TRIM34: variants seen among roughly 807,000 people sequenced by gnomAD.
The protein encoded by TRIM34 is E3 ubiquitin-protein ligase TRIM34.
In TRIM34, 41 loss-of-function variants were observed where a neutral mutation model predicts 38.1. That is an observed-to-expected ratio of 1.08 (90% CI 0.84 to 1.40). TRIM34 has a LOEUF of 1.40. Among genes scored for constraint, TRIM34 ranks in the 40% most tolerant of loss-of-function variants. The pLI is 0.00. For missense variants in TRIM34, 556 were observed against 571.4 expected, an observed-to-expected ratio of 0.97 and a Z score of 0.27; for synonymous variants, 200 against 202.5, an observed-to-expected ratio of 0.99 and a Z score of 0.10.
At position 5,643,820 on chromosome 11, in the gene TRIM34, T is replaced by C. The variant is rs145435093; in HGVS notation, c.*111T>C. 1,304 of 1,380,026 alleles carry C rather than the reference T, an allele frequency of 9.4e-4. 14 individuals are homozygous for C. In the African/African-American group the frequency reaches 0.014, roughly 15 times the overall value. 85.5% of individuals were successfully genotyped at this position (1,380,026 alleles called of 1,614,324 possible). Reference sequence around the variant, plus strand: ...TTGTGGTTTCCCTTCTTTAGAACTTTTACTCATCCTTGAGATGTATGGTGT... The same window carrying C: ...TTGTGGTTTCCCTTCTTTAGAACTTCTACTCATCCTTGAGATGTATGGTGT... On this transcript the variant is annotated 3_prime_UTR_variant, in exon 8 of 8. Coordinates refer to ENST00000429814, the MANE Select transcript of TRIM34 (RefSeq NM_021616.6).
chr11:5,632,364 G>T lies in TRIM34; in HGVS notation c.33G>T (p.Glu11Asp). The T allele has an allele frequency of 6.2e-7, 1 of 1,614,104 alleles. No individual in the cohort carries two copies. The highest frequency in any genetic ancestry group is 8.5e-7 in the Non-Finnish European group (1 of 1,180,022). Residue 11 changes from glutamate to aspartate, a missense_variant, in exon 2 of 8, where the codon GAG (glutamate) becomes GAT (aspartate). Glu to Asp is a conservative substitution (Grantham distance 45). Transcript: ENST00000429814. ...CAAAAATCTTGCTTAACGTACAAGA[G>T]GAGGTGACCTGTCCCATCTGCCTGG... is the stretch of plus-strand genomic sequence containing the variant. MASKILLNVQ[E>D]EVTCPICLEL...
upstream of TRIM34, among the ~76,000 whole-genome samples, chr11:5,624,504 A>C (rs928309594): frequency 6.6e-6 from 1 of 152,182 alleles, no homozygotes; most frequent in Non-Finnish European, 1.5e-5. Flanking sequence ...CAAATTGGTA[A>C]ACTGATTCGA....
At chr11:5,642,034 C>G (rs149139528) in intron 5 of TRIM34, among the ~76,000 whole-genome samples, 2 of 152,154 alleles carry the variant, frequency 1.3e-5, no homozygotes, top group Non-Finnish European at 2.9e-5. Context: ...AGAAGGCCCA[C>G]TGAGATGCAG....
intron 1 of TRIM34, among the ~76,000 whole-genome samples, chr11:5,628,554 G>A (rs1214818544): frequency 1.3e-5 from 2 of 152,156 alleles, no homozygotes; most frequent in Admixed American, 6.5e-5. Context: ...GGTTAGAGGA[G>A]TAGACAGGTC....
chr11:5,636,586 C>G (rs1849743916), intron 4 of TRIM34, among the ~76,000 whole-genome samples: 1 of 152,152 alleles, frequency 6.6e-6, no homozygotes, highest in Non-Finnish European at 1.5e-5. Context: ...CTTCCTTAAG[C>G]TCTTCACAAC....
chr11:5,634,507 AC>A, intron 3 of TRIM34, 123 bp from the exon 4 acceptor site: 2 of 452,708 alleles, frequency 4.4e-6, no homozygotes, highest in South Asian at 1.3e-4. Flanking sequence ...ACACACACAC[AC>A]ACACACACAC....
intron 1 of TRIM34, among the ~76,000 whole-genome samples, chr11:5,629,889 G>C (rs944641214): frequency 1.3e-5 from 2 of 152,142 alleles, no homozygotes; most frequent in African/African-American, 4.8e-5. Context: ...TGTATTTTTA[G>C]TAGAGATGGG....
At chr11:5,639,438 T>C (rs1023246874) in intron 4 of TRIM34, among the ~76,000 whole-genome samples, 1 of 152,002 alleles carries the variant, frequency 6.6e-6, no homozygotes, top group Admixed American at 6.6e-5. Flanking sequence ...CCCAGCACTT[T>C]GGGAGACCGA....
At chr11:5,624,409 C>T (rs180941929), upstream of TRIM34, among the ~76,000 whole-genome samples, 3 of 152,274 alleles carry the variant, frequency 2.0e-5, no homozygotes, top group African/African-American at 7.2e-5. Flanking sequence ...TCCACCTCTC[C>T]GCCACCCATC....
chr11:5,633,093 C>T (rs970255662), intron 2 of TRIM34, among the ~76,000 whole-genome samples: 2 of 150,510 alleles, frequency 1.3e-5, no homozygotes, highest in Non-Finnish European at 3.0e-5. Flanking sequence ...CCACCTCGGC[C>T]TCCCAAAGTG....
chr11:5,625,675 G>A (rs756500591), intron 1 of TRIM34, among the ~76,000 whole-genome samples: 6 of 151,412 alleles, frequency 4.0e-5, no homozygotes, highest in Admixed American at 2.0e-4. Flanking sequence ...TGTGACTGCC[G>A]CACACCGCTC....
chr11:5,626,873 A>C (rs1849265438), intron 1 of TRIM34: 2 of 147,688 alleles, frequency 1.4e-5, no homozygotes, highest in African/African-American at 2.6e-5. Context: ...AAAGAGCAAG[A>C]CTCTGTCTCA....
chr11:5,638,484 G>A (rs1564888715), intron 4 of TRIM34, among the ~76,000 whole-genome samples: 1 of 143,568 alleles, frequency 7.0e-6, no homozygotes, highest in Non-Finnish European at 1.5e-5. Context: ...TTGTACACCA[G>A]CTGGTGTCAT....
In TRIM34 at chr11:5,643,805, CCTT is replaced by C; in HGVS notation, c.*100_*102del. 1 of 1,472,058 alleles carries C rather than the reference CCTT, an allele frequency of 6.8e-7. No homozygotes were observed. 91.2% of individuals were successfully genotyped at this position (1,472,058 alleles called of 1,614,324 possible). ...CACACCATTGCTTCCTTGTGGTTTC[CCTT>C]CTTTAGAACTTTTACTCATCCTTGA... On this transcript the variant is annotated 3_prime_UTR_variant, in exon 8 of 8. Transcript: ENST00000429814.
Position 5,643,151 on chromosome 11 carries a change from C to T in TRIM34, c.909C>T (p.Val303=), listed in dbSNP as rs765329235. ...LTAVRCYWVD[V]TLNSVNLNLN... ...TTTTTTTTTTTCTTGCAGTGGATGT[C>T]ACACTGAATTCAGTCAACCTAAATT... The change falls in exon 8 of 8, where the codon GTC becomes GTT. Residue 303 remains valine (V), a synonymous_variant. Coordinates refer to ENST00000429814, the MANE Select transcript of TRIM34 (RefSeq NM_021616.6). 8.7e-6 allele frequency: 13 copies of T among 1,496,388 alleles called. No individual in the cohort carries two copies. The highest frequency in any genetic ancestry group is 1.2e-5 in the Non-Finnish European group (13 of 1,127,406). The allele number at this position is 1,496,388 out of a possible 1,614,324, so 92.7% of individuals were successfully genotyped here.
chr11:5,643,500 G>A lies in TRIM34; in HGVS notation c.1258G>A (p.Glu420Lys), dbSNP rs767710216. 1.8e-5 allele frequency: 29 copies of A among 1,614,032 alleles called. No individual in the cohort carries two copies. Among genetic ancestry groups the A allele is most frequent in the Admixed American group, 3.3e-5 (2 of 59,996 alleles). ...TGAAGAGTCTTTGTCCTCTGATCCC[G>A]AGGTTTTGACTCTCTCCATGGCTGT... ...VFEESLSSDP[E>K]VLTLSMAVPP... The change falls in exon 8 of 8, where the codon GAG (glutamate) becomes AAG (lysine). Residue 420 changes from glutamate to lysine, a missense_variant. Physicochemically the swap from Glu to Lys is moderately conservative, Grantham distance 56. Transcript: ENST00000429814.
chr11:5,632,255 C>A lies in TRIM34; in HGVS notation c.-77C>A. On this transcript the variant is annotated splice_region_variant and 5_prime_UTR_variant, in exon 2 of 8. Coordinates refer to ENST00000429814, the MANE Select transcript of TRIM34 (RefSeq NM_021616.6). Reference sequence around the variant, plus strand: ...TACCATCCCCTTTCAATCTTCTCAGCCATCCAGGGGTCTTTAACCAGAAGA... The same window carrying A: ...TACCATCCCCTTTCAATCTTCTCAGACATCCAGGGGTCTTTAACCAGAAGA... 6.3e-7 allele frequency: 1 copy of A among 1,593,276 alleles called. No individual in the cohort carries two copies. The highest frequency in any genetic ancestry group is 1.8e-5 in the Admixed American group (1 of 55,154).
At chr11:5,626,276 A>C (rs1849224764) in intron 1 of TRIM34, among the ~76,000 whole-genome samples, 1 of 152,122 alleles carries the variant, frequency 6.6e-6, no homozygotes, top group South Asian at 2.1e-4. Flanking sequence ...TATACGTGGA[A>C]GCCTACATCC....
At chr11:5,632,102 A>G (rs938458757) in intron 1 of TRIM34, among the ~76,000 whole-genome samples, 153 bp from the exon 2 acceptor site, 2 of 152,228 alleles carry the variant, frequency 1.3e-5, no homozygotes, top group Non-Finnish European at 2.9e-5. Flanking sequence ...AGGCATTAAC[A>G]GCTCGCCCAG....
Sources: gnomAD v4.1 joint callset for allele counts (sites outside exome capture counted in the v4.1 genomes callset) on GRCh38, gnomAD v4.1.1 for gene constraint, MANE v1.5 for transcripts, NCBI Gene and HGNC (gene_info 2026-07-23, HGNC 2026-07-21) for gene names.